The following ADGRE1 variants were observed in gnomAD, a reference collection of about 807,000 sequenced individuals.
The protein encoded by ADGRE1 is EGF-like module receptor 1.
A neutral mutation model predicts 102.7 loss-of-function variants in ADGRE1; 82 were observed. The ratio of observed to expected loss-of-function variants is 0.80; its 90% CI spans 0.67 to 0.96. ADGRE1 has a LOEUF of 0.96. Among genes scored for constraint, ADGRE1 ranks in the 40% least tolerant of loss-of-function variants. The pLI, the probability that ADGRE1 is intolerant of heterozygous loss-of-function variation, is 0.00. For synonymous variants in ADGRE1, 398 were observed against 399.6 expected (o/e 1.00, Z 0.05); for missense variants, 1,032 against 1,085.3 (o/e 0.95, Z 0.69).
intron 10 of ADGRE1, among the ~76,000 whole-genome samples, chr19:6,911,011 G>T (rs910466648): frequency 1.2e-5 from 1 of 84,546 alleles, no homozygotes; most frequent in African/African-American, 3.0e-5. Context: ...AACTTCCCTA[G>T]CTAAGAATAA....
intron 13 of ADGRE1, among the ~76,000 whole-genome samples, chr19:6,921,345 C>G (rs1974659202): frequency 6.6e-6 from 1 of 152,106 alleles, no homozygotes; most frequent in African/African-American, 2.4e-5. Context: ...TCGCTTGAAC[C>G]CCGGAGGCAG....
rs1177554787 is a variant in ADGRE1, at chr19:6,897,482, A to C, written c.449A>C (p.Asn150Thr). ...TGCCCTGAGCATTCTGACTGTGTCA[A>C]CTCCATGGGAAGCTACAGTTGCAGC... Reference protein sequence around the residue: ...SVCPEHSDCVNSMGSYSCSCQ... With the variant: ...SVCPEHSDCVTSMGSYSCSCQ... Residue 150 changes from asparagine to threonine, a missense_variant, in exon 5 of 21, where the codon AAC (asparagine) becomes ACC (threonine). Coordinates refer to ENST00000312053, the MANE Select transcript of ADGRE1 (RefSeq NM_001974.5). 1.3e-6 allele frequency: 2 copies of C among 1,598,224 alleles called. No homozygotes were observed. Among genetic ancestry groups the C allele is most frequent in the East Asian group, 4.5e-5 (2 of 44,686 alleles).
At chr19:6,920,291 G>C (rs115376278) in intron 13 of ADGRE1, among the ~76,000 whole-genome samples, 42,681 of 149,342 alleles carry the variant, frequency 0.29, 7,577 homozygotes, top group African/African-American at 0.5. Context: ...ACAATTTCAA[G>C]TCATTGCAAG....
chr19:6,923,319 C>A (rs1974749743), intron 14 of ADGRE1, among the ~76,000 whole-genome samples: 1 of 152,016 alleles, frequency 6.6e-6, no homozygotes, highest in Non-Finnish European at 1.5e-5. Flanking sequence ...ATGAGAACAA[C>A]AATAACAAAA....
chr19:6,916,120 TG>T, intron 11 of ADGRE1, 128 bp from the exon 12 acceptor site: 1 of 990,014 alleles, frequency 1.0e-6, no homozygotes. Flanking sequence ...ATCTTTCCTA[TG>T]ATGAATTGAA....
intron 1 of ADGRE1, among the ~76,000 whole-genome samples, chr19:6,890,279 G>C (rs1331981190): frequency 6.6e-6 from 1 of 152,104 alleles, no homozygotes; most frequent in Non-Finnish European, 1.5e-5. Context: ...CAAAAGCAAA[G>C]TACAGAAAAC....
chr19:6,924,947 T>G lies in ADGRE1; in HGVS notation c.1986+75T>G, dbSNP rs1433112371. Reference sequence around the variant, plus strand: ...CTGCCTCAGCTCATTCCTAGCCAACTCCCTCTATCCCTGTTCCTACCTCAG... The same window carrying G: ...CTGCCTCAGCTCATTCCTAGCCAACGCCCTCTATCCCTGTTCCTACCTCAG... On this transcript the variant is annotated intron_variant, in intron 15 of 20. Coordinates refer to ENST00000312053, the MANE Select transcript of ADGRE1 (RefSeq NM_001974.5). 4.1e-6 allele frequency: 6 copies of G among 1,480,400 alleles called. No homozygotes were observed. The South Asian group carries it at 4.9e-5, about 12-fold the overall frequency. 91.7% of individuals were successfully genotyped at this position (1,480,400 alleles called of 1,614,324 possible).
chr19:6,901,854 G>A, intron 5 of ADGRE1, 21 bp from the exon 6 acceptor site: 2 of 1,612,872 alleles, frequency 1.2e-6, no homozygotes, highest in Non-Finnish European at 8.5e-7. Context: ...CTTGACCTGG[G>A]TTTTCTCTTC....
rs1475176403 is a variant in ADGRE1 at position 6,897,442 on chromosome 19, C to T, written c.409C>T (p.Leu137Phe). Residue 137 changes from leucine to phenylalanine, a missense_variant, in exon 5 of 21, where the codon CTC becomes TTC. Coordinates refer to ENST00000312053, the MANE Select transcript of ADGRE1 (RefSeq NM_001974.5). ...CTGCTTCTCAGATATCAATGAGTGC[C>T]TCACCAGCAGCGTCTGCCCTGAGCA... ...NFSCTDINEC[L>F]TSSVCPEHSD... 1.3e-6 allele frequency: 2 copies of T among 1,595,238 alleles called. No individual in the cohort carries two copies. The highest frequency in any genetic ancestry group is 1.1e-5 in the South Asian group (1 of 88,358).
intron 10 of ADGRE1, among the ~76,000 whole-genome samples, chr19:6,909,910 T>C (rs1038601095): frequency 1.3e-5 from 2 of 152,022 alleles, no homozygotes; most frequent in African/African-American, 4.8e-5. Context: ...AATTTTGTAT[T>C]TTTAGTAGAG....
chr19:6,916,563 G>C (rs1974393304), intron 12 of ADGRE1, among the ~76,000 whole-genome samples, 195 bp downstream of exon 12: 1 of 150,850 alleles, frequency 6.6e-6, no homozygotes, highest in South Asian at 2.1e-4. Flanking sequence ...GGAGTACTGA[G>C]ACCTTCACTG....
intron 5 of ADGRE1, among the ~76,000 whole-genome samples, chr19:6,900,865 A>G (rs190029413): frequency 5.9e-5 from 9 of 152,350 alleles, no homozygotes; most frequent in African/African-American, 2.2e-4. Context: ...TTAGTGTCTA[A>G]AAACAACCAC....
Position 6,901,794 on chromosome 19 carries a change from T to C in ADGRE1, c.515-81T>C, listed in dbSNP as rs1036896054. 5 of 1,455,600 alleles carry C rather than the reference T, an allele frequency of 3.4e-6. No individual in the cohort carries two copies. The Admixed American group carries it at 8.7e-5, about 25-fold the overall frequency. 90.2% of individuals were successfully genotyped at this position (1,455,600 alleles called of 1,614,324 possible). A position where few individuals can be genotyped will look rare whatever the true frequency, so the allele number is the denominator to read the frequency against. On this transcript the variant is annotated intron_variant, in intron 5 of 20. Coordinates refer to ENST00000312053, the MANE Select transcript of ADGRE1 (RefSeq NM_001974.5). Reference sequence around the variant, plus strand: ...AGCCCTGTCTGCTGAAAATCAACACTCAGAGTGCATCTCCTATTTGTAGTC... The same window carrying C: ...AGCCCTGTCTGCTGAAAATCAACACCCAGAGTGCATCTCCTATTTGTAGTC...
chr19:6,922,191 C>A (rs992592854), intron 14 of ADGRE1, among the ~76,000 whole-genome samples: 1 of 152,122 alleles, frequency 6.6e-6, no homozygotes, highest in African/African-American at 2.4e-5. Context: ...TGGTTTTAGA[C>A]CCATTTCACA....
At chr19:6,937,098 C>A in intron 18 of ADGRE1, 145 bp from the exon 19 acceptor site, 1 of 835,312 alleles carries the variant, frequency 1.2e-6, no homozygotes, top group Non-Finnish European at 1.9e-6. Context: ...TTTTGCAACA[C>A]CTAGGCTTGG....
chr19:6,909,669 C>T (rs1251620818), intron 10 of ADGRE1, among the ~76,000 whole-genome samples: 1 of 152,086 alleles, frequency 6.6e-6, no homozygotes, highest in Non-Finnish European at 1.5e-5. Flanking sequence ...AGAACTTTCT[C>T]ATCTTTCTCA....
At chr19:6,902,136 C>T (rs1234045415) in intron 6 of ADGRE1, 115 bp downstream of exon 6, 2 of 1,339,644 alleles carry the variant, frequency 1.5e-6, no homozygotes, top group Non-Finnish European at 2.1e-6. Flanking sequence ...AATCTGAAGC[C>T]AATAATCATT....
intron 17 of ADGRE1, among the ~76,000 whole-genome samples, chr19:6,929,397 C>T (rs187821377): frequency 2.6e-5 from 4 of 152,148 alleles, no homozygotes; most frequent in Admixed American, 6.5e-5. Flanking sequence ...ACGTAGAGCG[C>T]GAGGAAGCTG....
intron 15 of ADGRE1, among the ~76,000 whole-genome samples, chr19:6,925,158 G>A (rs926938805): frequency 1.3e-5 from 2 of 152,120 alleles, no homozygotes; most frequent in Non-Finnish European, 1.5e-5. Context: ...TTTCGCTCTT[G>A]TTGCCCAGGC....
Sources: gnomAD v4.1 joint callset for allele counts (sites outside exome capture counted in the v4.1 genomes callset) on GRCh38, gnomAD v4.1.1 for gene constraint, MANE v1.5 for transcripts, NCBI Gene and HGNC (gene_info 2026-07-23, HGNC 2026-07-21) for gene names.